Variants in SUSD6 observed in about 807,000 individuals in gnomAD.
SUSD6 encodes sushi domain containing 6, also known as sushi domain-containing protein 6.
Under a neutral mutation model 28.4 loss-of-function variants are expected in SUSD6, and 16 were observed. The ratio of observed to expected loss-of-function variants is 0.56; its 90% CI spans 0.38 to 0.86. The LOEUF (loss-of-function observed/expected upper bound fraction) is 0.86, where lower values mean the gene tolerates loss of function less well. SUSD6 is among the 40% of genes least tolerant of loss of function. SUSD6 has a pLI of 0.00. For missense variants in SUSD6, 341 were observed against 384.2 expected, an observed-to-expected ratio of 0.89 and a Z score of 0.94; for synonymous variants, 147 against 159.6, an observed-to-expected ratio of 0.92 and a Z score of 0.59.
intron 1 of SUSD6, among the ~76,000 whole-genome samples, chr14:69,649,895 TC>T (rs1328562624): frequency 1.3e-5 from 2 of 152,184 alleles, no homozygotes; most frequent in Non-Finnish European, 2.9e-5. Context: ...AGGAAAGACT[TC>T]CAGGCCTCTT....
chr14:69,642,838 A>G (rs531293991), intron 1 of SUSD6, among the ~76,000 whole-genome samples: 1 of 152,120 alleles, frequency 6.6e-6, no homozygotes, highest in Non-Finnish European at 1.5e-5. Context: ...TAGTTTCCTC[A>G]GAGGCATGCA....
At chr14:69,687,625 G>A (rs1031454952) in intron 2 of SUSD6, among the ~76,000 whole-genome samples, 1 of 152,182 alleles carries the variant, frequency 6.6e-6, no homozygotes, top group Non-Finnish European at 1.5e-5. Context: ...TGCTTTAAAC[G>A]ACAAAGTTTT....
At chr14:69,687,645 C>T (rs1886092736) in intron 2 of SUSD6, among the ~76,000 whole-genome samples, 1 of 152,208 alleles carries the variant, frequency 6.6e-6, no homozygotes, top group South Asian at 2.1e-4. Flanking sequence ...TTAAGAAAAA[C>T]TAACCAACAT....
rs577628828 is a variant in SUSD6, at chr14:69,714,445, G to GA, written c.*3476dup. ...TGCATCCTTACTCCTCACCCCCAAAGAAAAAAAAAAGGCCTAGCAGGGAAG... is the reference window on the plus strand; with the variant it reads ...TGCATCCTTACTCCTCACCCCCAAAGAAAAAAAAAAAGGCCTAGCAGGGAAG... On this transcript the variant is annotated 3_prime_UTR_variant, in exon 6 of 6. Transcript: ENST00000342745. 40 of 146,752 alleles carry GA rather than the reference G, an allele frequency of 2.7e-4. No homozygotes were observed. The highest frequency in any genetic ancestry group is 3.4e-3 in the Middle Eastern group (1 of 292). 9.1% of individuals were successfully genotyped at this position (146,752 alleles called of 1,614,324 possible).
At chr14:69,685,999 A>G (rs545030541) in intron 2 of SUSD6, among the ~76,000 whole-genome samples, 12 of 152,372 alleles carry the variant, frequency 7.9e-5, no homozygotes, top group South Asian at 4.1e-4. Flanking sequence ...CATGTGCTGC[A>G]GCGGTAACTT....
intron 2 of SUSD6, among the ~76,000 whole-genome samples, chr14:69,674,793 T>G (rs868807246): frequency 6.6e-6 from 1 of 152,158 alleles, no homozygotes; most frequent in African/African-American, 2.4e-5. Flanking sequence ...AGCCTCTATC[T>G]GAAGGGGCAA....
intron 2 of SUSD6, among the ~76,000 whole-genome samples, chr14:69,660,635 G>A (rs1885648896): frequency 6.6e-6 from 1 of 152,242 alleles, no homozygotes; most frequent in Non-Finnish European, 1.5e-5. Flanking sequence ...CTTTAGAGCA[G>A]AAGTTGGCAA....
intron 1 of SUSD6, among the ~76,000 whole-genome samples, chr14:69,646,641 G>A (rs962163239): frequency 2.0e-5 from 3 of 150,468 alleles, no homozygotes; most frequent in East Asian, 1.9e-4. Flanking sequence ...TTCTCCTGTG[G>A]TAGCTTCTAC....
In SUSD6 at chr14:69,681,121, A is replaced by G. The variant is rs538929976; in HGVS notation, c.122-22274A>G. ...TTGTCTTCCTACATGCCTTTCCTTCAGGGAGGGAATGCACTGAACAGTCTG... is the reference window on the plus strand; with the variant it reads ...TTGTCTTCCTACATGCCTTTCCTTCGGGGAGGGAATGCACTGAACAGTCTG... On this transcript the variant is annotated intron_variant, in intron 2 of 5. Transcript: ENST00000342745. Among the ~76,000 whole-genome samples the G allele has an allele frequency of 5.9e-5, 9 of 152,320 alleles. No individual in the cohort carries two copies. In the East Asian group the frequency reaches 1.7e-3, roughly 29 times the overall value.
At chr14:69,649,970 A>T (rs1057482278) in intron 1 of SUSD6, among the ~76,000 whole-genome samples, 15 of 152,332 alleles carry the variant, frequency 9.8e-5, no homozygotes, top group African/African-American at 3.4e-4. Flanking sequence ...GAGTGTGTGT[A>T]TGTGTATATT....
chr14:69,693,753 T>C (rs1594720338), intron 2 of SUSD6, among the ~76,000 whole-genome samples: 2 of 152,186 alleles, frequency 1.3e-5, no homozygotes, highest in Admixed American at 6.5e-5. Context: ...CTCAGAGGAG[T>C]TATGACAGTT....
intron 2 of SUSD6, among the ~76,000 whole-genome samples, chr14:69,686,586 C>T (rs1010779474): frequency 1.3e-4 from 20 of 152,160 alleles, no homozygotes; most frequent in African/African-American, 4.3e-4. Context: ...CTTACATTTC[C>T]AGGTGGCCAA....
At chr14:69,614,014 T>C (rs529625396) in intron 1 of SUSD6, among the ~76,000 whole-genome samples, 4 of 152,218 alleles carry the variant, frequency 2.6e-5, no homozygotes, top group African/African-American at 9.7e-5. Context: ...CTCAGCACTT[T>C]GTCTGTTTTC....
intron 1 of SUSD6, among the ~76,000 whole-genome samples, chr14:69,646,752 A>C (rs1279177486): frequency 8.3e-6 from 1 of 120,000 alleles, no homozygotes; most frequent in Non-Finnish European, 1.6e-5. Context: ...CCCAGGCTGG[A>C]GTGCAGCGGT....
intron 1 of SUSD6, among the ~76,000 whole-genome samples, chr14:69,654,196 C>T (rs998480959): frequency 6.6e-6 from 1 of 152,222 alleles, no homozygotes; most frequent in African/African-American, 2.4e-5. Flanking sequence ...GGAACTCATA[C>T]ATGTACATCT....
At chr14:69,654,852 T>C (rs925102276) in intron 1 of SUSD6, among the ~76,000 whole-genome samples, 11 of 137,786 alleles carry the variant, frequency 8.0e-5, no homozygotes, top group Admixed American at 4.1e-4. Flanking sequence ...TGGAGTGCAG[T>C]GGCACAATAT....
chr14:69,644,263 T>C (rs754510051), intron 1 of SUSD6, among the ~76,000 whole-genome samples: 11 of 152,194 alleles, frequency 7.2e-5, no homozygotes, highest in African/African-American at 1.7e-4. Flanking sequence ...GAGGGAAATA[T>C]CAAATTCTCT....
chr14:69,642,226 G>T (rs1437173360), intron 1 of SUSD6, among the ~76,000 whole-genome samples: 1 of 152,136 alleles, frequency 6.6e-6, no homozygotes, highest in Non-Finnish European at 1.5e-5. Flanking sequence ...GAATTGGTTT[G>T]ATCCTTTCAT....
At chr14:69,677,262 T>TA (rs1443868732) in intron 2 of SUSD6, among the ~76,000 whole-genome samples, 2 of 152,202 alleles carry the variant, frequency 1.3e-5, no homozygotes, top group Non-Finnish European at 2.9e-5. Flanking sequence ...GTTACTCTGT[T>TA]ACGCCGGGCG....
Sources: gnomAD v4.1 joint callset for allele counts (sites outside exome capture counted in the v4.1 genomes callset) on GRCh38, gnomAD v4.1.1 for gene constraint, MANE v1.5 for transcripts, NCBI Gene and HGNC (gene_info 2026-07-23, HGNC 2026-07-21) for gene names.